The following CHODL variants were observed in gnomAD, a reference collection of about 807,000 sequenced individuals.
CHODL encodes the protein transmembrane protein MT75.
A neutral mutation model predicts 34.5 loss-of-function variants in CHODL; 29 were observed. The ratio of observed to expected loss-of-function variants is 0.84; its 90% CI spans 0.63 to 1.15. The LOEUF is 1.15. Among genes scored for constraint, CHODL ranks in the 50% most tolerant of loss-of-function variants. The pLI is 0.00. For missense variants in CHODL, 332 were observed against 332.5 expected (o/e 1.00, Z 0.01); for synonymous variants, 125 against 116.1 (o/e 1.08, Z -0.49).
At chr21:18,031,600 CT>C (rs1219486548) in intron 2 of CHODL, among the ~76,000 whole-genome samples, 1 of 152,042 alleles carries the variant, frequency 6.6e-6, no homozygotes, top group Non-Finnish European at 1.5e-5. Context: ...AGATTGTTCT[CT>C]GTAGATCAGC....
intron 1 of CHODL, among the ~76,000 whole-genome samples, chr21:18,251,732 T>TTTTA (rs1470084790): frequency 9.7e-6 from 1 of 103,610 alleles, no homozygotes; most frequent in African/African-American, 4.5e-5. Flanking sequence ...TAAATATTTA[T>TTTTA]TTTATTTATT....
At chr21:17,947,016 A>T (rs1399035162) in intron 1 of CHODL, among the ~76,000 whole-genome samples, 1 of 152,050 alleles carries the variant, frequency 6.6e-6, no homozygotes, top group Non-Finnish European at 1.5e-5. Context: ...TTTTGTATAT[A>T]TATTACAGAT....
intron 1 of CHODL, among the ~76,000 whole-genome samples, chr21:17,953,999 ACT>A (rs762715809): frequency 6.6e-6 from 1 of 152,138 alleles, no homozygotes; most frequent in African/African-American, 2.4e-5. Context: ...ACAGAGCGAG[ACT>A]CTGTCTCAAA....
chr21:18,012,458 A>AATAATC (rs2064028210), intron 1 of CHODL, among the ~76,000 whole-genome samples: 1 of 152,184 alleles, frequency 6.6e-6, no homozygotes, highest in African/African-American at 2.4e-5. Flanking sequence ...AATGGTAAAG[A>AATAATC]ATAATCTTAA....
chr21:18,157,147 G>A (rs1041124152), intron 2 of CHODL, among the ~76,000 whole-genome samples: 8 of 152,216 alleles, frequency 5.3e-5, no homozygotes, highest in African/African-American at 1.9e-4. Context: ...CACAGGGACT[G>A]TGTTCATATA....
intron 2 of CHODL, among the ~76,000 whole-genome samples, chr21:18,163,783 A>G (rs1253626146): frequency 7.7e-6 from 1 of 129,742 alleles, no homozygotes; most frequent in Admixed American, 7.8e-5. Context: ...TCTCTCATGT[A>G]CAGGTTTTCT....
At chr21:18,012,650 T>C (rs1482358473) in intron 1 of CHODL, among the ~76,000 whole-genome samples, 1 of 152,236 alleles carries the variant, frequency 6.6e-6, no homozygotes, top group East Asian at 1.9e-4. Context: ...TTCAGGTCTG[T>C]GTACTCTCTC....
chr21:18,056,405 A>G (rs188407248), intron 2 of CHODL, among the ~76,000 whole-genome samples: 1 of 151,460 alleles, frequency 6.6e-6, no homozygotes, highest in East Asian at 1.9e-4. Context: ...TGAAATTTGT[A>G]GAATCTTTTC....
At chr21:18,224,798 A>G (rs2073916041) in intron 2 of CHODL, among the ~76,000 whole-genome samples, 1 of 152,120 alleles carries the variant, frequency 6.6e-6, no homozygotes, top group South Asian at 2.1e-4. Context: ...ATTAGAGTTA[A>G]TATTTCAGGA....
At chr21:18,245,472 C>G (rs915806167) in intron 1 of CHODL, among the ~76,000 whole-genome samples, 170 bp downstream of exon 1, 1 of 152,222 alleles carries the variant, frequency 6.6e-6, no homozygotes, top group Non-Finnish European at 1.5e-5. Context: ...TCCCTCTCTT[C>G]TCTAACACAC....
chr21:18,236,257 A>G (rs543404261), intron 2 of CHODL, among the ~76,000 whole-genome samples: 1 of 152,042 alleles, frequency 6.6e-6, no homozygotes, highest in Non-Finnish European at 1.5e-5. Context: ...GCTTGTGAGA[A>G]CTTACTTACA....
chr21:18,000,505 A>G (rs2063895061), intron 1 of CHODL, among the ~76,000 whole-genome samples: 1 of 152,158 alleles, frequency 6.6e-6, no homozygotes, highest in Non-Finnish European at 1.5e-5. Flanking sequence ...TGGGCCAGAT[A>G]TCTAATTAGC....
chr21:17,984,758 A>G (rs2063740293), intron 1 of CHODL, among the ~76,000 whole-genome samples: 2 of 152,048 alleles, frequency 1.3e-5, no homozygotes, highest in South Asian at 4.1e-4. Context: ...TTTCATTTAT[A>G]CTTTAATTGA....
intron 2 of CHODL, among the ~76,000 whole-genome samples, chr21:18,104,127 A>T (rs181308475): frequency 2.6e-4 from 40 of 152,328 alleles, no homozygotes; most frequent in Middle Eastern, 3.4e-3. Context: ...GAAACACTGA[A>T]GTAAGCACAA....
chr21:18,245,170 T>TG lies in CHODL; in HGVS notation c.-51dup. On this transcript the variant is annotated 5_prime_UTR_variant, in exon 1 of 6. Coordinates refer to ENST00000299295, the MANE Select transcript of CHODL (RefSeq NM_024944.3). ...AGAGTCAGAGTCGCGGGCTGCGCCC[T>TG]GGGCAGAGGCCGCCCTCGCTCCACG... 1.3e-6 allele frequency: 1 copy of TG among 777,454 alleles called. No homozygotes were observed. Among genetic ancestry groups the TG allele is most frequent in the Non-Finnish European group, 1.9e-6 (1 of 528,686 alleles). The allele number at this position is 777,454 out of a possible 1,614,324, so 48.2% of individuals were successfully genotyped here. A position where few individuals can be genotyped will look rare whatever the true frequency, so the allele number is the denominator to read the frequency against.
intron 2 of CHODL, among the ~76,000 whole-genome samples, chr21:18,127,455 T>C (rs2065560456): frequency 6.6e-6 from 1 of 152,100 alleles, no homozygotes; most frequent in Non-Finnish European, 1.5e-5. Flanking sequence ...GTGAGAAATC[T>C]ATTAAAAATC....
At chr21:17,933,392 C>G (rs1473919531) in intron 1 of CHODL, among the ~76,000 whole-genome samples, 3 of 152,198 alleles carry the variant, frequency 2.0e-5, no homozygotes, top group Admixed American at 6.5e-5. Context: ...CTGCGGCCTT[C>G]CGCAGTGTTT....
chr21:18,239,221 C>T (rs2074057929), intron 2 of CHODL, among the ~76,000 whole-genome samples: 1 of 151,992 alleles, frequency 6.6e-6, no homozygotes, highest in Non-Finnish European at 1.5e-5. Flanking sequence ...TAAAAGGTAA[C>T]CTAGAGGATA....
intron 2 of CHODL, among the ~76,000 whole-genome samples, chr21:18,170,682 A>C (rs1236699172): frequency 6.6e-6 from 1 of 151,966 alleles, no homozygotes; most frequent in Non-Finnish European, 1.5e-5. Flanking sequence ...ACATAACCTC[A>C]TTTTCTCTCT....
Sources: gnomAD v4.1 joint callset for allele counts (sites outside exome capture counted in the v4.1 genomes callset) on GRCh38, gnomAD v4.1.1 for gene constraint, MANE v1.5 for transcripts, NCBI Gene and HGNC (gene_info 2026-07-23, HGNC 2026-07-21) for gene names.